Variants in LAMA3 observed in about 807,000 individuals in gnomAD.
LAMA3 encodes laminin subunit alpha-3.
A neutral mutation model predicts 402.0 loss-of-function variants in LAMA3; 281 were observed. The observed-to-expected ratio is 0.70, with a 90% confidence interval of 0.63 to 0.77. The LOEUF is 0.77. Among genes scored for constraint, LAMA3 ranks in the 30% least tolerant of loss-of-function variants. The probability of loss-of-function intolerance (pLI) is 0.00; values close to 1 mark genes in which losing one functional copy is unlikely to be tolerated. For synonymous variants in LAMA3, 1,431 were observed against 1,558.4 expected, an observed-to-expected ratio of 0.92 and a Z score of 1.93; for missense variants, 3,840 against 4,215.5, an observed-to-expected ratio of 0.91 and a Z score of 2.47.
At chr18:23,825,615 T>C (rs1190570799) in intron 21 of LAMA3, among the ~76,000 whole-genome samples, 1 of 152,000 alleles carries the variant, frequency 6.6e-6, no homozygotes, top group Non-Finnish European at 1.5e-5. Context: ...AGGTCTCTGC[T>C]CTTCTTGCAT....
intron 38 of LAMA3, chr18:23,872,890 C>T (rs568763156): frequency 2.5e-6 from 2 of 788,912 alleles, no homozygotes; most frequent in African/African-American, 3.4e-5. Context: ...CGCTCTGGCA[C>T]AGGCTGACTC....
At chr18:23,733,887 T>C (rs983600152) in intron 2 of LAMA3, among the ~76,000 whole-genome samples, 1 of 152,206 alleles carries the variant, frequency 6.6e-6, no homozygotes, top group Non-Finnish European at 1.5e-5. Flanking sequence ...ATCTACCGAA[T>C]TTGAGCTCTC....
At chr18:23,801,949 C>T (rs1311591481) in intron 12 of LAMA3, among the ~76,000 whole-genome samples, 1 of 152,070 alleles carries the variant, frequency 6.6e-6, no homozygotes, top group African/African-American at 2.4e-5. Context: ...ATATAACATA[C>T]GCATATACAG....
Position 23,824,533 on chromosome 18 carries a change from G to C in LAMA3, c.2539G>C (p.Val847Leu). ...ATTTTCAATCACACCAGGAATATGG[G>C]TTGCTTGTATTAAGGCAGAAGGAGT... ...DPFSITPGIW[V>L]ACIKAEGVLL... Residue 847 changes from valine (V) to leucine (L), a missense_variant, in exon 21 of 75, where the codon GTT becomes CTT. By Grantham distance (32) the Val-to-Leu change is conservative (BLOSUM62 1). Transcript: ENST00000313654. The C allele has an allele frequency of 6.2e-7, 1 of 1,614,098 alleles. No homozygotes were observed. The highest frequency in any genetic ancestry group is 8.5e-7 in the Non-Finnish European group (1 of 1,179,974).
In LAMA3 at chr18:23,815,248, G is replaced by A; in HGVS notation, c.1941+8G>A. On this transcript the variant is annotated splice_region_variant and intron_variant, in intron 16 of 74. Coordinates refer to ENST00000313654, the MANE Select transcript of LAMA3 (RefSeq NM_198129.4). The stretch of plus-strand genomic sequence containing the variant: ...ACTGGAGAGTGTAGGCAGGTAAAGT[G>A]GGCTGAGTTTTCATGTGACAACAGC... The A allele has an allele frequency of 6.2e-7, 1 of 1,613,568 alleles. No individual in the cohort carries two copies. The highest frequency in any genetic ancestry group is 8.5e-7 in the Non-Finnish European group (1 of 1,179,614).
intron 31 of LAMA3, 70 bp downstream of exon 31, chr18:23,846,578 C>G: frequency 2.2e-6 from 3 of 1,382,950 alleles, no homozygotes; most frequent in East Asian, 4.9e-5. Flanking sequence ...CAGGAGCAGG[C>G]TTCTTCAGTG....
At chr18:23,693,974 G>A (rs1472876764) in intron 1 of LAMA3, among the ~76,000 whole-genome samples, 1 of 151,726 alleles carries the variant, frequency 6.6e-6, no homozygotes, top group East Asian at 1.9e-4. Context: ...GGGCAGGGCT[G>A]CATCTGCTCA....
intron 52 of LAMA3, 64 bp downstream of exon 52, chr18:23,905,688 T>C: frequency 1.1e-6 from 1 of 888,628 alleles, no homozygotes; most frequent in Non-Finnish European, 1.9e-6. Context: ...TGGGACCAGG[T>C]GGGGCAGCCC....
At chr18:23,709,985 A>G in intron 1 of LAMA3, 1 of 741,970 alleles carries the variant, frequency 1.3e-6, no homozygotes, top group East Asian at 2.5e-5. Context: ...TGTTGGCTTT[A>G]ACATCCACAA....
chr18:23,903,162 A>T (rs777624848), intron 49 of LAMA3, 37 bp downstream of exon 49: 11 of 1,251,876 alleles, frequency 8.8e-6, no homozygotes, highest in Middle Eastern at 1.9e-4. Context: ...AAATCTAAAA[A>T]CATTTTAATT....
chr18:23,866,563 AAC>A (rs1160524895), intron 36 of LAMA3, among the ~76,000 whole-genome samples: 2 of 152,354 alleles, frequency 1.3e-5, no homozygotes, highest in Non-Finnish European at 2.9e-5. Context: ...ACACAGTAAA[AAC>A]ACAGTCACAG....
chr18:23,872,980 G>A lies in LAMA3; in HGVS notation c.4998+1319G>A, dbSNP rs571289463. 2.6e-4 allele frequency: 412 copies of A among 1,605,254 alleles called. 5 individuals are homozygous for A. In the South Asian group the frequency reaches 3.7e-3, roughly 15 times the overall value. Reference sequence around the variant, plus strand: ...TCAGGCAGGCCCGGGCACTGAGCAGGAAGGGCAGGTATAAGAGGAAGAGGC... The same window carrying A: ...TCAGGCAGGCCCGGGCACTGAGCAGAAAGGGCAGGTATAAGAGGAAGAGGC... On this transcript the variant is annotated intron_variant, in intron 38 of 74. Transcript: ENST00000313654.
At chr18:23,812,159 C>T (rs1056384630) in intron 13 of LAMA3, among the ~76,000 whole-genome samples, 5 of 152,282 alleles carry the variant, frequency 3.3e-5, no homozygotes, top group African/African-American at 1.2e-4. Context: ...AGGCGTGAGC[C>T]ACCACTCCCA....
At chr18:23,911,151 A>ACGGG (rs2081412335) in intron 55 of LAMA3, among the ~76,000 whole-genome samples, 2 of 137,144 alleles carry the variant, frequency 1.5e-5, no homozygotes, top group Admixed American at 7.6e-5. Flanking sequence ...GCAGGAGAGA[A>ACGGG]TGCCAGGCAG....
chr18:23,851,689 G>T (rs2063948676), intron 32 of LAMA3, among the ~76,000 whole-genome samples: 1 of 152,108 alleles, frequency 6.6e-6, no homozygotes, highest in Non-Finnish European at 1.5e-5. Flanking sequence ...CTCACTCCTG[G>T]ATGATTCCCA....
intron 1 of LAMA3, among the ~76,000 whole-genome samples, chr18:23,705,798 G>C (rs549893657): frequency 8.5e-5 from 13 of 152,292 alleles, no homozygotes; most frequent in Non-Finnish European, 2.9e-5. Context: ...GATTACAGGT[G>C]TGAGCTACTG....
At position 23,842,592 on chromosome 18, in the gene LAMA3, C is replaced by A. The variant is rs755723294; in HGVS notation, c.3464-19C>A. ...TACAGTCCGGTGCATGACAGAAAGT[C>A]TCTCTCTCTCTCTGCCAGGCTCCTT... is the stretch of plus-strand genomic sequence containing the variant. On this transcript the variant is annotated intron_variant, in intron 28 of 74. Coordinates refer to ENST00000313654, the MANE Select transcript of LAMA3 (RefSeq NM_198129.4). 2.1e-6 allele frequency: 3 copies of A among 1,421,634 alleles called. No homozygotes were observed. The highest frequency in any genetic ancestry group is 2.9e-6 in the Non-Finnish European group (3 of 1,037,450). 88.1% of individuals were successfully genotyped at this position (1,421,634 alleles called of 1,614,324 possible).
At chr18:23,842,088 A>G (rs1038264269) in intron 27 of LAMA3, among the ~76,000 whole-genome samples, 3 of 152,188 alleles carry the variant, frequency 2.0e-5, no homozygotes, top group Non-Finnish European at 4.4e-5. Flanking sequence ...ATTGCCAAAC[A>G]GGTTTCCAAC....
intron 2 of LAMA3, among the ~76,000 whole-genome samples, chr18:23,736,276 A>G (rs763788963): frequency 1.3e-5 from 2 of 149,772 alleles, no homozygotes; most frequent in East Asian, 1.9e-4. Flanking sequence ...TAAATGTGCT[A>G]TCACATCTAG....
Sources: allele counts gnomAD v4.1 joint callset (sites outside exome capture counted in the v4.1 genomes callset), GRCh38; gene constraint gnomAD v4.1.1; transcripts MANE v1.5; gene names NCBI Gene and HGNC (gene_info 2026-07-23, HGNC 2026-07-21).